Variants in PROSER1 observed in about 807,000 individuals in gnomAD.
PROSER1 encodes the protein proline and serine rich 1, also known as proline and serine-rich protein 1.
In PROSER1, 36 loss-of-function variants were observed where a neutral mutation model predicts 71.8. The observed-to-expected ratio is 0.50, with a 90% CI of 0.38 to 0.66. PROSER1 has a LOEUF of 0.66. Among genes scored for constraint, PROSER1 ranks in the 30% least tolerant of loss-of-function variants. The pLI is 0.00. For synonymous variants in PROSER1, 490 were observed against 452.4 expected (o/e 1.08, Z -1.06); for missense variants, 1,107 against 1,135.0 (o/e 0.98, Z 0.35).
Position 39,013,240 on chromosome 13 carries a change from T to C in PROSER1, c.2012A>G (p.Asn671Ser). The C allele has an allele frequency of 6.2e-7, 1 of 1,614,028 alleles. No homozygotes were observed. Among genetic ancestry groups the C allele is most frequent in the Non-Finnish European group, 8.5e-7 (1 of 1,180,002 alleles). ...SGLSSLSTPL[N>S]GSNPLSSISL... ...AATAGAGGAAAGAGGATTTGAACCA[T>C]TTAAAGGAGTACTCAAGCTGGAGAG... The change falls in exon 11 of 13, where the codon AAT becomes AGT. Residue 671 changes from asparagine (N) to serine (S), a missense_variant. Transcript: ENST00000352251.
At position 39,037,274 on chromosome 13, in the gene PROSER1, T is replaced by C; in HGVS notation, c.-32A>G. 1 of 1,540,248 alleles carries C rather than the reference T, an allele frequency of 6.5e-7. No individual in the cohort carries two copies. The highest frequency in any genetic ancestry group is 9.0e-7 in the Non-Finnish European group (1 of 1,112,792). On this transcript the variant is annotated 5_prime_UTR_variant, in exon 1 of 13. Transcript: ENST00000352251. ...TACTATCCCGACGTGGTTTTAACAGTTATACTTGCAATTAAAAGACGTTCA... is the reference window on the plus strand; with the variant it reads ...TACTATCCCGACGTGGTTTTAACAGCTATACTTGCAATTAAAAGACGTTCA...
intron 10 of PROSER1, among the ~76,000 whole-genome samples, chr13:39,015,693 G>GA (rs200972910): frequency 1.2e-4 from 17 of 146,868 alleles, no homozygotes; most frequent in East Asian, 7.9e-4. Context: ...AGTTGTTTTA[G>GA]AAAAAAAAAA....
chr13:39,018,670 A>T (rs1014927300), intron 9 of PROSER1, among the ~76,000 whole-genome samples: 12 of 152,224 alleles, frequency 7.9e-5, no homozygotes, highest in East Asian at 5.8e-4. Context: ...CCAAAAAAAA[A>T]TTTTTAATGG....
At chr13:39,018,492 AC>A (rs1265710135) in intron 9 of PROSER1, among the ~76,000 whole-genome samples, 64 of 141,990 alleles carry the variant, frequency 4.5e-4, no homozygotes, top group African/African-American at 1.5e-3. Flanking sequence ...ACACACACAC[AC>A]ACACACACAC....
At position 39,028,419 on chromosome 13, in the gene PROSER1, T is replaced by C. The variant is rs150643296; in HGVS notation, c.276-99A>G. On this transcript the variant is annotated intron_variant, in intron 4 of 12. Transcript: ENST00000352251. ...CACACAAACATCTGAGTAAGCGTTCTCCATGACATAGGGAGAAAAGTGTGA... is the reference window on the plus strand; with the variant it reads ...CACACAAACATCTGAGTAAGCGTTCCCCATGACATAGGGAGAAAAGTGTGA... The C allele has an allele frequency of 5.3e-3, 3,166 of 599,400 alleles. 30 individuals are homozygous for C. Among genetic ancestry groups the C allele is most frequent in the Admixed American group, 0.03 (1,178 of 38,942 alleles). The allele number at this position is 599,400 out of a possible 1,614,324, so 37.1% of individuals were successfully genotyped here. A position where few individuals can be genotyped will look rare whatever the true frequency, so the allele number is the denominator to read the frequency against.
chr13:39,010,474 AAC>A lies in PROSER1; in HGVS notation c.*889_*890del, dbSNP rs796483134. On this transcript the variant is annotated 3_prime_UTR_variant, in exon 13 of 13. Coordinates refer to ENST00000352251, the MANE Select transcript of PROSER1 (RefSeq NM_025138.5). ...ATAGAGTACATACTGCATAATTACT[AAC>A]AGAGCCAGTCTTCTCTATTTGTTGT... 1 of 152,652 alleles carries A rather than the reference AAC, an allele frequency of 6.6e-6. No individual in the cohort carries two copies. Among genetic ancestry groups the A allele is most frequent in the South Asian group, 2.1e-4 (1 of 4,836 alleles). 9.5% of individuals were successfully genotyped at this position (152,652 alleles called of 1,614,324 possible). A position where few individuals can be genotyped will look rare whatever the true frequency, so the allele number is the denominator to read the frequency against.
Position 39,011,246 on chromosome 13 carries a change from C to A in PROSER1, c.*119G>T. ...TTTCAAATTGTTGTCACAATTTCTC[C>A]AGGATTACCCTCATTCTCATTTTCC... On this transcript the variant is annotated 3_prime_UTR_variant, in exon 13 of 13. Coordinates refer to ENST00000352251, the MANE Select transcript of PROSER1 (RefSeq NM_025138.5). 2.0e-6 allele frequency: 2 copies of A among 980,476 alleles called. No homozygotes were observed. The highest frequency in any genetic ancestry group is 2.5e-5 in the East Asian group (1 of 39,918). 60.7% of individuals were successfully genotyped at this position (980,476 alleles called of 1,614,324 possible). A position where few individuals can be genotyped will look rare whatever the true frequency, so the allele number is the denominator to read the frequency against.
intron 2 of PROSER1, among the ~76,000 whole-genome samples, chr13:39,032,079 G>T (rs774475015): frequency 5.3e-5 from 8 of 152,154 alleles, no homozygotes; most frequent in Non-Finnish European, 1.0e-4. Flanking sequence ...TATAAAGATG[G>T]ACTGTGAATG....
At chr13:39,029,169 T>C (rs1470906605) in intron 4 of PROSER1, 112 bp downstream of exon 4, 49 of 602,824 alleles carry the variant, frequency 8.1e-5, no homozygotes, top group East Asian at 2.2e-4. Flanking sequence ...TGTACCACTA[T>C]GCTTTTGACT....
chr13:39,031,459 G>T, intron 3 of PROSER1, 104 bp downstream of exon 3: 1 of 855,690 alleles, frequency 1.2e-6, no homozygotes, highest in Non-Finnish European at 1.9e-6. Context: ...CATAGAGTTC[G>T]CTTTTCTAAT....
chr13:39,023,200 CA>C (rs1870383497), intron 7 of PROSER1, 70 bp from the exon 8 acceptor site: 1 of 1,194,252 alleles, frequency 8.4e-7, no homozygotes, highest in African/African-American at 1.5e-5. Context: ...ACTTGTCTTT[CA>C]AAATATTTAG....
Position 39,034,784 on chromosome 13 carries a change from G to A in PROSER1, c.46-588C>T, listed in dbSNP as rs139237102. ...TTCCTTTTGAGCGTCCTCATTCATAGAGGGAACACCATTCACCAACCTCAA... is the reference window on the plus strand; with the variant it reads ...TTCCTTTTGAGCGTCCTCATTCATAAAGGGAACACCATTCACCAACCTCAA... On this transcript the variant is annotated intron_variant, in intron 1 of 12. Transcript: ENST00000352251. Among the ~76,000 whole-genome samples, 357 of 152,320 alleles carry A rather than the reference G, an allele frequency of 2.3e-3. 1 individual carries two copies. Among genetic ancestry groups the A allele is most frequent in the African/African-American group, 8.3e-3 (346 of 41,566 alleles).
rs141503033 is a variant in PROSER1, at chr13:39,012,693, G to A, written c.2559C>T (p.Ala853=). Reference sequence around the variant, plus strand: ...CTATTTCCAAACTATCCACATACCCGGCTTGTGCAACAAGAGCGGAGTTGA... The same window carrying A: ...CTATTTCCAAACTATCCACATACCCAGCTTGTGCAACAAGAGCGGAGTTGA... ...SNFNSALVAQ[A]GLSSGLQAAG... The change falls in exon 11 of 13, where the codon GCC becomes GCT. Residue 853 remains alanine (A), a splice_region_variant and synonymous_variant. Transcript: ENST00000352251. 47 of 1,565,646 alleles carry A rather than the reference G, an allele frequency of 3.0e-5. No homozygotes were observed. The highest frequency in any genetic ancestry group is 3.8e-5 in the Admixed American group (2 of 52,220).
chr13:39,033,979 G>A, intron 2 of PROSER1, 152 bp downstream of exon 2: 1 of 551,224 alleles, frequency 1.8e-6, no homozygotes, highest in Non-Finnish European at 3.2e-6. Context: ...TATAAATTCT[G>A]TAGAGTTTTC....
At chr13:39,034,692 A>G (rs936061515) in intron 1 of PROSER1, among the ~76,000 whole-genome samples, 6 of 152,260 alleles carry the variant, frequency 3.9e-5, no homozygotes, top group Admixed American at 6.5e-5. Context: ...TAAGAATGCA[A>G]GAAGTCCTGA....
Position 39,013,315 on chromosome 13 carries a change from G to C in PROSER1, c.1937C>G (p.Thr646Arg). ...SGTLGRAYTS[T>R]SVPISLSACL... Reference sequence around the variant, plus strand: ...AGCAGATAAACTGATGGGCACGGATGTTGAAGTATATGCACGGCCCAATGT... The same window carrying C: ...AGCAGATAAACTGATGGGCACGGATCTTGAAGTATATGCACGGCCCAATGT... Residue 646 changes from threonine (T) to arginine (R), a missense_variant, in exon 11 of 13, where the codon ACA (threonine) becomes AGA (arginine). Physicochemically the swap from Thr to Arg is moderately conservative, Grantham distance 71. Coordinates refer to ENST00000352251, the MANE Select transcript of PROSER1 (RefSeq NM_025138.5). The C allele has an allele frequency of 1.2e-6, 2 of 1,614,186 alleles. No individual in the cohort carries two copies. Among genetic ancestry groups the C allele is most frequent in the Non-Finnish European group, 1.7e-6 (2 of 1,180,042 alleles).
rs750916595 is a variant in PROSER1 at position 39,011,518 on chromosome 13, G to C, written c.2713-31C>G. 3.7e-6 allele frequency: 6 copies of C among 1,610,240 alleles called. No individual in the cohort carries two copies. In the South Asian group the frequency reaches 5.5e-5, roughly 15 times the overall value. On this transcript the variant is annotated intron_variant, in intron 12 of 12. Transcript: ENST00000352251. ...GGAAAGAAGAGCGTGTGGTTTAGCA[G>C]AGTGCCAAGTTCATTCAAGCCTGCG...
rs758534611 is a variant in PROSER1, at chr13:39,013,893, G to C, written c.1359C>G (p.Gly453=). The C allele has an allele frequency of 3.1e-6, 5 of 1,614,176 alleles. No homozygotes were observed. Among genetic ancestry groups the C allele is most frequent in the Non-Finnish European group, 4.2e-6 (5 of 1,180,014 alleles). The change falls in exon 11 of 13, where the codon GGC becomes GGG. Residue 453 remains glycine, a synonymous_variant. Transcript: ENST00000352251. ...GTGGACCGGCAACGCTGGGAGTAGA[G>C]CCACCAGCAATTACAGGAGTCGGGT... The part of the protein sequence containing the change: ...LSNPTPVIAG[G]STPSVAGPLG...
At chr13:39,028,407 G>C in intron 4 of PROSER1, 87 bp from the exon 5 acceptor site, 2 of 674,442 alleles carry the variant, frequency 3.0e-6, no homozygotes, top group Non-Finnish European at 2.6e-6. Flanking sequence ...ACAAACATCT[G>C]AGTAAGCGTT....
Sources: allele counts gnomAD v4.1 joint callset (sites outside exome capture counted in the v4.1 genomes callset), GRCh38; gene constraint gnomAD v4.1.1; transcripts MANE v1.5; gene names NCBI Gene and HGNC (gene_info 2026-07-23, HGNC 2026-07-21).